The following GNAQ variants were observed in gnomAD, a reference collection of about 807,000 sequenced individuals.
GNAQ encodes guanine nucleotide-binding protein G(q) subunit alpha.
A neutral mutation model predicts 43.9 loss-of-function variants in GNAQ; 8 were observed. That is an observed-to-expected ratio of 0.18 (90% CI 0.11 to 0.33). The LOEUF (loss-of-function observed/expected upper bound fraction) is 0.33, where lower values mean the gene tolerates loss of function less well. Ranked by LOEUF, GNAQ falls within the 10% of genes least tolerant of loss-of-function variation. The pLI is 1.00. For missense variants in GNAQ, 158 were observed against 450.8 expected, an observed-to-expected ratio of 0.35 and a Z score of 5.88; for synonymous variants, 155 against 170.7, an observed-to-expected ratio of 0.91 and a Z score of 0.71.
intron 6 of GNAQ, among the ~76,000 whole-genome samples, chr9:77,724,194 CTT>C (rs957412529): frequency 2.7e-5 from 4 of 149,780 alleles, no homozygotes; most frequent in East Asian, 3.9e-4. Flanking sequence ...CAATAAGAAA[CTT>C]TTTTTTTTCC....
intron 1 of GNAQ, among the ~76,000 whole-genome samples, chr9:78,008,354 G>C (rs2118572650): frequency 6.6e-6 from 1 of 152,322 alleles, no homozygotes; most frequent in South Asian, 2.1e-4. Flanking sequence ...CATGGGCTCA[G>C]GCCAGACTCA....
intron 2 of GNAQ, among the ~76,000 whole-genome samples, chr9:77,821,340 G>A (rs1363532623): frequency 6.6e-6 from 1 of 152,002 alleles, no homozygotes; most frequent in African/African-American, 2.4e-5. Flanking sequence ...TCCTTCTTGG[G>A]TAAAGGAAAT....
intron 1 of GNAQ, among the ~76,000 whole-genome samples, chr9:78,002,638 T>G (rs1298496795): frequency 6.6e-6 from 1 of 152,156 alleles, no homozygotes; most frequent in African/African-American, 2.4e-5. Flanking sequence ...TGACCCACAA[T>G]CTTACCCGCA....
intron 5 of GNAQ, among the ~76,000 whole-genome samples, chr9:77,782,847 A>G (rs551239903): frequency 6.6e-6 from 1 of 152,360 alleles, no homozygotes; most frequent in South Asian, 2.1e-4. Context: ...ACATGGAGGA[A>G]CTTCAAATAC....
rs71360654 is a variant in GNAQ at position 77,828,059 on chromosome 9, C to CAAAAAAAAAAAAAAAAAAAAAAAAA, written c.322-12314_322-12290dup. 5.2e-4 allele frequency among the ~76,000 whole-genome samples: 10 copies of CAAAAAAAAAAAAAAAAAAAAAAAAA among 19,242 alleles called. 2 individuals carry two copies. Among genetic ancestry groups the CAAAAAAAAAAAAAAAAAAAAAAAAA allele is most frequent in the African/African-American group, 6.6e-4 (3 of 4,556 alleles). The allele number at this position is 19,242 out of a possible 152,430, so 12.6% of individuals were successfully genotyped here. A position where few individuals can be genotyped will look rare whatever the true frequency, so the allele number is the denominator to read the frequency against. ...TGGGCGACAGAGTGAGACTCCTCCT[C>CAAAAAAAAAAAAAAAAAAAAAAAAA]AAAAAAAAAAAAAAAAAAAAAAAAA... On this transcript the variant is annotated intron_variant, in intron 2 of 6. Transcript: ENST00000286548.
chr9:78,012,334 T>C (rs1246972740), intron 1 of GNAQ, among the ~76,000 whole-genome samples: 3 of 150,468 alleles, frequency 2.0e-5, no homozygotes, highest in Non-Finnish European at 1.5e-5. Context: ...ACCTCCCAGG[T>C]TCAAGTGACT....
intron 2 of GNAQ, among the ~76,000 whole-genome samples, chr9:77,888,876 G>A (rs992677771): frequency 1.3e-5 from 2 of 152,144 alleles, no homozygotes; most frequent in Non-Finnish European, 2.9e-5. Context: ...TGCTCCCTCA[G>A]AGTAGGGGAG....
Position 77,876,730 on chromosome 9 carries a change from C to T in GNAQ, c.321+45431G>A, listed in dbSNP as rs13440202. Among the ~76,000 whole-genome samples the T allele has an allele frequency of 4.6e-3, 700 of 152,212 alleles. 7 individuals carry two copies. Among genetic ancestry groups the T allele is most frequent in the African/African-American group, 0.016 (677 of 41,520 alleles). ...CTATATGATAAGTATTATTAGGATC[C>T]CTACTTACAAAAGAAGAAGGCGGGA... On this transcript the variant is annotated intron_variant, in intron 2 of 6. Coordinates refer to ENST00000286548, the MANE Select transcript of GNAQ (RefSeq NM_002072.5).
At chr9:77,823,654 G>A (rs1827148889) in intron 2 of GNAQ, among the ~76,000 whole-genome samples, 1 of 152,270 alleles carries the variant, frequency 6.6e-6, no homozygotes, top group South Asian at 2.1e-4. Context: ...AAGCAAGCAC[G>A]TCTTACCGTG....
At chr9:77,769,393 G>C (rs1826184608) in intron 5 of GNAQ, among the ~76,000 whole-genome samples, 1 of 146,400 alleles carries the variant, frequency 6.8e-6, no homozygotes, top group South Asian at 2.2e-4. Flanking sequence ...GACAGCACAA[G>C]ACTACCTTAA....
intron 2 of GNAQ, among the ~76,000 whole-genome samples, chr9:77,916,155 C>T (rs1330219803): frequency 1.3e-5 from 2 of 152,162 alleles, no homozygotes; most frequent in Non-Finnish European, 2.9e-5. Flanking sequence ...CTCCCTTCTC[C>T]CAGTGAGTCC....
At chr9:77,944,574 G>A (rs2118354063) in intron 1 of GNAQ, among the ~76,000 whole-genome samples, 1 of 152,264 alleles carries the variant, frequency 6.6e-6, no homozygotes, top group East Asian at 1.9e-4. Flanking sequence ...GTAGGTGGAA[G>A]TTCATGGGAC....
chr9:77,847,931 G>A (rs1419456500), intron 2 of GNAQ, among the ~76,000 whole-genome samples: 4 of 152,200 alleles, frequency 2.6e-5, no homozygotes, highest in Non-Finnish European at 4.4e-5. Flanking sequence ...TATGGTAGCA[G>A]CAGACCTGCA....
chr9:77,984,298 T>G (rs1430705087), intron 1 of GNAQ, among the ~76,000 whole-genome samples: 3 of 151,626 alleles, frequency 2.0e-5, no homozygotes, highest in African/African-American at 7.3e-5. Flanking sequence ...GCCTCCTGAG[T>G]AGCTGAGACT....
At chr9:77,780,229 A>G (rs568281119) in intron 5 of GNAQ, among the ~76,000 whole-genome samples, 4 of 151,820 alleles carry the variant, frequency 2.6e-5, no homozygotes, top group South Asian at 2.1e-4. Context: ...TATTCCACCT[A>G]TTTACCTGTA....
chr9:77,939,040 TG>T (rs1829275993), intron 1 of GNAQ, among the ~76,000 whole-genome samples: 1 of 152,158 alleles, frequency 6.6e-6, no homozygotes, highest in African/African-American at 2.4e-5. Flanking sequence ...GTTCTCTGGG[TG>T]TGAGGGTCTG....
intron 1 of GNAQ, among the ~76,000 whole-genome samples, chr9:77,980,676 A>T (rs906386427): frequency 6.6e-5 from 10 of 151,178 alleles, no homozygotes; most frequent in African/African-American, 2.4e-4. Context: ...AAAAAAAAAC[A>T]CAATTCACAA....
At chr9:77,971,396 C>T (rs148478318) in intron 1 of GNAQ, among the ~76,000 whole-genome samples, 1,681 of 152,272 alleles carry the variant, frequency 0.011, 33 homozygotes, top group African/African-American at 0.038. Context: ...TACTGGCAAA[C>T]CAAATCCAGC....
intron 3 of GNAQ, among the ~76,000 whole-genome samples, chr9:77,799,818 A>G (rs1826714577): frequency 6.6e-6 from 1 of 152,212 alleles, no homozygotes; most frequent in African/African-American, 2.4e-5. Flanking sequence ...TGATACATTG[A>G]TGATTCTCTA....
Sources: gnomAD v4.1 joint callset for allele counts (sites outside exome capture counted in the v4.1 genomes callset) on GRCh38, gnomAD v4.1.1 for gene constraint, MANE v1.5 for transcripts, NCBI Gene and HGNC (gene_info 2026-07-23, HGNC 2026-07-21) for gene names.